ADAMTS17: variants seen among roughly 807,000 people sequenced by gnomAD.
The protein encoded by ADAMTS17 is A disintegrin and metalloproteinase with thrombospondin motifs 17.
Under a neutral mutation model 141.5 loss-of-function variants are expected in ADAMTS17, and 113 were observed. The observed-to-expected ratio is 0.80, with a 90% CI of 0.69 to 0.93. ADAMTS17 has a LOEUF of 0.93. ADAMTS17 is among the 40% of genes least tolerant of loss of function. The pLI is 0.00. For synonymous variants in ADAMTS17, 768 were observed against 630.6 expected (o/e 1.22, Z -3.27); for missense variants, 1,659 against 1,517.9 (o/e 1.09, Z -1.54).
chr15:100,010,651 C>A (rs1347331475), intron 18 of ADAMTS17, among the ~76,000 whole-genome samples: 1 of 152,242 alleles, frequency 6.6e-6, no homozygotes, highest in African/African-American at 2.4e-5. Context: ...AGATGACAGC[C>A]AGCAACTCTG....
intron 15 of ADAMTS17, among the ~76,000 whole-genome samples, chr15:100,071,886 G>A (rs1414240725): frequency 6.7e-6 from 1 of 150,230 alleles, no homozygotes; most frequent in African/African-American, 2.5e-5. Flanking sequence ...ATTCAACATA[G>A]TGTTGGAAGT....
intron 18 of ADAMTS17, among the ~76,000 whole-genome samples, chr15:100,033,138 C>G (rs919926339): frequency 2.0e-5 from 3 of 152,184 alleles, no homozygotes; most frequent in Non-Finnish European, 4.4e-5. Flanking sequence ...GTTGAACCAG[C>G]AGCTGATGAG....
chr15:100,036,729 C>A (rs1409886678), intron 18 of ADAMTS17, among the ~76,000 whole-genome samples: 1 of 152,184 alleles, frequency 6.6e-6, no homozygotes, highest in Non-Finnish European at 1.5e-5. Context: ...TATCAACCCT[C>A]ACTTCCATCC....
chr15:99,983,233 T>C (rs1353241660), intron 20 of ADAMTS17, among the ~76,000 whole-genome samples: 3 of 152,152 alleles, frequency 2.0e-5, no homozygotes, highest in Admixed American at 6.5e-5. Context: ...ACGAGCTTGT[T>C]AATCCTCACA....
chr15:100,074,345 T>C (rs2034214631), intron 15 of ADAMTS17, among the ~76,000 whole-genome samples: 1 of 152,116 alleles, frequency 6.6e-6, no homozygotes, highest in Non-Finnish European at 1.5e-5. Context: ...ATATAGAGTG[T>C]ATAATAACAT....
intron 18 of ADAMTS17, among the ~76,000 whole-genome samples, chr15:100,011,303 GA>G (rs2061166827): frequency 1.4e-5 from 2 of 138,322 alleles, no homozygotes; most frequent in African/African-American, 2.7e-5. Flanking sequence ...GGAGGGAGGG[GA>G]GGGAAGGAAA....
chr15:100,135,369 C>T (rs928555297), intron 10 of ADAMTS17, among the ~76,000 whole-genome samples: 16 of 151,882 alleles, frequency 1.1e-4, no homozygotes, highest in Admixed American at 3.3e-4. Flanking sequence ...CTGCAAGCTC[C>T]GCCTCCCAGG....
chr15:100,069,700 T>C (rs2033827695), intron 15 of ADAMTS17, among the ~76,000 whole-genome samples: 1 of 151,642 alleles, frequency 6.6e-6, no homozygotes, highest in South Asian at 2.1e-4. Flanking sequence ...TGCTGAGAGA[T>C]TTTGTCACCA....
chr15:100,090,280 C>T (rs1404382260), intron 15 of ADAMTS17, among the ~76,000 whole-genome samples: 9 of 152,150 alleles, frequency 5.9e-5, no homozygotes, highest in Non-Finnish European at 1.3e-4. Context: ...GAGGAATCTC[C>T]ACTCAAACTA....
At chr15:100,146,705 G>A (rs139406576) in intron 10 of ADAMTS17, among the ~76,000 whole-genome samples, 439 of 33,276 alleles carry the variant, frequency 0.013, 2 homozygotes, top group African/African-American at 0.024. Context: ...AAGCAAATGG[G>A]AGAAGTATCG....
chr15:100,096,535 G>A (rs1016524130), intron 14 of ADAMTS17, 59 bp from the exon 15 acceptor site: 8 of 1,612,092 alleles, frequency 5.0e-6, no homozygotes, highest in African/African-American at 2.7e-5. Flanking sequence ...TTTTAAAGAG[G>A]CTGCCCTGCA....
At chr15:100,067,326 T>TA (rs2033612420) in intron 15 of ADAMTS17, among the ~76,000 whole-genome samples, 1 of 152,166 alleles carries the variant, frequency 6.6e-6, no homozygotes, top group African/African-American at 2.4e-5. Context: ...TCCCTTATGA[T>TA]ATTGAGAAGG....
intron 7 of ADAMTS17, among the ~76,000 whole-genome samples, chr15:100,246,258 G>C (rs1412322124): frequency 6.6e-6 from 1 of 151,986 alleles, no homozygotes; most frequent in East Asian, 1.9e-4. Context: ...TGAATTTGTG[G>C]GATACGAAGC....
chr15:100,026,116 T>G (rs2061511237), intron 18 of ADAMTS17, among the ~76,000 whole-genome samples: 1 of 152,224 alleles, frequency 6.6e-6, no homozygotes, highest in South Asian at 2.1e-4. Context: ...ATCACAGGTT[T>G]GTTTGGCGTG....
intron 7 of ADAMTS17, among the ~76,000 whole-genome samples, chr15:100,232,112 C>T (rs1006334904): frequency 3.3e-5 from 5 of 152,232 alleles, no homozygotes; most frequent in African/African-American, 1.2e-4. Context: ...AAGAAATTGA[C>T]ACTTCCAATG....
chr15:100,115,135 G>T (rs2037032493), intron 13 of ADAMTS17, among the ~76,000 whole-genome samples: 2 of 152,304 alleles, frequency 1.3e-5, no homozygotes, highest in Middle Eastern at 3.4e-3. Context: ...AAAGCTGAAG[G>T]TTCGGATTCA....
Position 99,976,349 on chromosome 15 carries a change from G to GA in ADAMTS17, c.2950-128dup. 2.5e-6 allele frequency: 3 copies of GA among 1,219,650 alleles called. No individual in the cohort carries two copies. In the East Asian group the frequency reaches 7.6e-5, roughly 31 times the overall value. The allele number at this position is 1,219,650 out of a possible 1,614,324, so 75.6% of individuals were successfully genotyped here. A position where few individuals can be genotyped will look rare whatever the true frequency, so the allele number is the denominator to read the frequency against. ...GGCCTACACGAGGTCAGGGGGCTGG[G>GA]ATGATGGCCTCACAATGTGGCACTG... is the stretch of plus-strand genomic sequence containing the variant. On this transcript the variant is annotated intron_variant, in intron 20 of 21. Transcript: ENST00000268070.
intron 7 of ADAMTS17, among the ~76,000 whole-genome samples, chr15:100,236,446 GA>G (rs1296538555): frequency 3.9e-5 from 6 of 152,076 alleles, no homozygotes; most frequent in Non-Finnish European, 7.4e-5. Flanking sequence ...ATGTTTAAAG[GA>G]GTCCTCCATG....
At chr15:100,264,260 G>C (rs966811818) in intron 4 of ADAMTS17, among the ~76,000 whole-genome samples, 26 of 152,158 alleles carry the variant, frequency 1.7e-4, no homozygotes, top group South Asian at 6.2e-4. Context: ...GGGGGAGGAG[G>C]GGGGAGGCAC....
Sources: allele counts gnomAD v4.1 joint callset (sites outside exome capture counted in the v4.1 genomes callset), GRCh38; gene constraint gnomAD v4.1.1; transcripts MANE v1.5; gene names NCBI Gene and HGNC (gene_info 2026-07-23, HGNC 2026-07-21).